Variants in GRM4 observed in about 807,000 individuals in gnomAD.
The protein encoded by GRM4 is metabotropic glutamate receptor 4.
In GRM4, 28 loss-of-function variants were observed where a neutral mutation model predicts 81.7. The ratio of observed to expected loss-of-function variants is 0.34; its 90% CI spans 0.25 to 0.47. The LOEUF (loss-of-function observed/expected upper bound fraction) is 0.47, where lower values mean the gene tolerates loss of function less well. Among genes scored for constraint, GRM4 ranks in the 20% least tolerant of loss-of-function variants. The probability of loss-of-function intolerance (pLI) is 1.00; values close to 1 mark genes in which losing one functional copy is unlikely to be tolerated. For missense variants in GRM4, 948 were observed against 1,290.0 expected (o/e 0.73, Z 4.06); for synonymous variants, 488 against 528.8 (o/e 0.92, Z 1.06).
At chr6:34,138,683 C>G (rs975699472) in intron 1 of GRM4, among the ~76,000 whole-genome samples, 1 of 152,150 alleles carries the variant, frequency 6.6e-6, no homozygotes, top group Non-Finnish European at 1.5e-5. Flanking sequence ...CTGTGCGACT[C>G]GCAGGCCATG....
intron 9 of GRM4, among the ~76,000 whole-genome samples, chr6:34,032,675 C>G (rs1273474470): frequency 6.6e-6 from 1 of 152,174 alleles, no homozygotes; most frequent in African/African-American, 2.4e-5. Context: ...CTCAGGGACT[C>G]CCTTCATAAT....
At chr6:34,141,355 G>A (rs1331647768) in intron 1 of GRM4, among the ~76,000 whole-genome samples, 2 of 152,220 alleles carry the variant, frequency 1.3e-5, no homozygotes, top group Non-Finnish European at 2.9e-5. Flanking sequence ...CTGTCAGCAT[G>A]GCTCGGCCCC....
Position 34,111,523 on chromosome 6 carries a change from C to A in GRM4, c.520-19424G>T, listed in dbSNP as rs1424005227. On this transcript the variant is annotated intron_variant, in intron 2 of 10. Transcript: ENST00000538487. The surrounding 1 kb of genome is among the most constrained non-coding windows in gnomAD (Gnocchi z 5.1). ...CTGATCTTGCCATCCTGCCCAGCTG[C>A]CCATCAAGCAGCTGGAACTCTTAAC... Among the ~76,000 whole-genome samples, 2 of 152,222 alleles carry A rather than the reference C, an allele frequency of 1.3e-5. No homozygotes were observed. Among genetic ancestry groups the A allele is most frequent in the Non-Finnish European group, 2.9e-5 (2 of 68,046 alleles).
At position 34,152,682 on chromosome 6, in the gene GRM4, C is replaced by T. The variant is rs914542138; in HGVS notation, c.312+2397G>A. Among the ~76,000 whole-genome samples the T allele has an allele frequency of 2.6e-5, 4 of 152,170 alleles. No individual in the cohort carries two copies. Among genetic ancestry groups the T allele is most frequent in the African/African-American group, 4.8e-5 (2 of 41,440 alleles). On this transcript the variant is annotated intron_variant, in intron 1 of 8. Coordinates refer to the GRM4 transcript ENST00000374177. The surrounding 1 kb of genome is among the most constrained non-coding windows in gnomAD (Gnocchi z 4.1). ...ACCCTCGTGGGCTGCATTTTAATGG[C>T]GTTTGATTGGATCCGATGCGCTTTT...
chr6:34,086,363 A>C (rs762561360), intron 3 of GRM4, among the ~76,000 whole-genome samples: 4 of 152,176 alleles, frequency 2.6e-5, no homozygotes, highest in Non-Finnish European at 4.4e-5. Flanking sequence ...TCGGAGCAGG[A>C]GGTCAGACCC....
intron 3 of GRM4, among the ~76,000 whole-genome samples, chr6:34,065,203 C>A (rs937846534): frequency 6.6e-6 from 1 of 152,024 alleles, no homozygotes. Context: ...ACAGCCCACC[C>A]TGTGCATTCC....
At chr6:34,065,847 A>T (rs1241290254) in intron 3 of GRM4, among the ~76,000 whole-genome samples, 1 of 152,232 alleles carries the variant, frequency 6.6e-6, no homozygotes, top group East Asian at 1.9e-4. Context: ...CCAGGGGCAC[A>T]CAGTAGCAGG....
intron 2 of GRM4, among the ~76,000 whole-genome samples, chr6:34,128,420 C>T (rs1219169716): frequency 6.6e-6 from 1 of 150,718 alleles, no homozygotes; most frequent in African/African-American, 2.4e-5. Context: ...CTCTTGTCGC[C>T]CAGGCTGGGA....
intron 1 of GRM4, among the ~76,000 whole-genome samples, chr6:34,142,753 G>A (rs571581657): frequency 4.6e-5 from 7 of 152,322 alleles, no homozygotes; most frequent in African/African-American, 1.4e-4. Flanking sequence ...TGTGCAAGGC[G>A]CTCCCTCTCA....
At chr6:34,124,051 G>GT (rs1354842533) in intron 2 of GRM4, among the ~76,000 whole-genome samples, 2 of 152,182 alleles carry the variant, frequency 1.3e-5, no homozygotes, top group Non-Finnish European at 2.9e-5. Flanking sequence ...GGCTGCTCAG[G>GT]GACCATCTGC....
rs117831826 is a variant in GRM4, at chr6:34,142,970, G to A, written c.-364+3030C>T. Among the ~76,000 whole-genome samples, 31 of 152,270 alleles carry A rather than the reference G, an allele frequency of 2.0e-4. No homozygotes were observed. The East Asian group carries it at 6.0e-3, about 29-fold the overall frequency. ...TGCCACCCCCCCACCAATATATCTCGCTCCTGAAAATGCCTAAGAATCCAT... is the reference window on the plus strand; with the variant it reads ...TGCCACCCCCCCACCAATATATCTCACTCCTGAAAATGCCTAAGAATCCAT... On this transcript the variant is annotated intron_variant, in intron 1 of 10. Transcript: ENST00000538487.
chr6:34,155,435 C>T, exon 1 of GRM4: 4 of 1,338,640 alleles, frequency 3.0e-6, no homozygotes, highest in Non-Finnish European at 4.0e-6. Context: ...TGTGACAGGC[C>T]GGCGGTTCGC....
Position 34,059,392 on chromosome 6 carries a change from C to T in GRM4, c.873-264G>A. On this transcript the variant is annotated intron_variant, in intron 4 of 10. Transcript: ENST00000538487. The surrounding 1 kb of genome is among the most constrained non-coding windows in gnomAD (Gnocchi z 5.7). ...GCAGGCCCAGCGTGATTCTCCAGGC[C>T]TACATCTGTCCCTGCAAAGACCACA... 3 of 522,950 alleles carry T rather than the reference C, an allele frequency of 5.7e-6. No individual in the cohort carries two copies. The highest frequency in any genetic ancestry group is 7.0e-6 in the Non-Finnish European group (2 of 287,412). 32.4% of individuals were successfully genotyped at this position (522,950 alleles called of 1,614,324 possible).
At chr6:34,140,921 G>C (rs924178415) in intron 1 of GRM4, among the ~76,000 whole-genome samples, 1 of 152,236 alleles carries the variant, frequency 6.6e-6, no homozygotes, top group African/African-American at 2.4e-5. Context: ...AACTGTGGTT[G>C]GTGGGGAGAC....
intron 1 of GRM4, among the ~76,000 whole-genome samples, chr6:34,154,036 G>A (rs146719032): frequency 5.3e-5 from 8 of 152,316 alleles, no homozygotes; most frequent in African/African-American, 1.9e-4. Context: ...GGTGCGGGCT[G>A]ACCCTGGCAC....
intron 1 of GRM4, among the ~76,000 whole-genome samples, chr6:34,135,573 A>G (rs57270555): frequency 0.04 from 6,036 of 152,350 alleles, 236 homozygotes; most frequent in African/African-American, 0.11. Flanking sequence ...GCCAGGAGCC[A>G]GGGACCTAGG....
intron 10 of GRM4, among the ~76,000 whole-genome samples, chr6:34,023,410 A>G (rs778167136): frequency 1.3e-5 from 2 of 152,244 alleles, no homozygotes; most frequent in African/African-American, 2.4e-5. Flanking sequence ...CTAAGGGAAG[A>G]GAGTGGGGAA....
chr6:34,061,950 AGGC>A lies in GRM4; in HGVS notation c.812_814del (p.Arg271del). Reference sequence around the variant, plus strand: ...TGCCCTGGCGTTCGAAGTCTCCAGGAGGCGGCGGATGATCTTGTCGAACTCGCC... The same window carrying A: ...TGCCCTGGCGTTCGAAGTCTCCAGGAGGCGGATGATCTTGTCGAACTCGCC... On this transcript the variant is annotated inframe_deletion, in exon 4 of 11. Transcript: ENST00000538487. 1 of 1,614,000 alleles carries A rather than the reference AGGC, an allele frequency of 6.2e-7. No individual in the cohort carries two copies. Among genetic ancestry groups the A allele is most frequent in the Non-Finnish European group, 8.5e-7 (1 of 1,179,878 alleles).
intron 2 of GRM4, among the ~76,000 whole-genome samples, chr6:34,123,693 T>C (rs1459634740): frequency 1.3e-5 from 2 of 152,176 alleles, no homozygotes; most frequent in Non-Finnish European, 2.9e-5. Flanking sequence ...ACCTATGAAG[T>C]GGGTGCTGCA....
Sources: gnomAD v4.1 joint callset for allele counts (sites outside exome capture counted in the v4.1 genomes callset) on GRCh38, gnomAD v4.1.1 for gene constraint, Gnocchi (gnomAD v3.1) non-coding constraint, MANE v1.5 for transcripts, NCBI Gene and HGNC (gene_info 2026-07-23, HGNC 2026-07-21) for gene names.